ACACA: variants seen among roughly 807,000 people sequenced by gnomAD.
ACACA encodes acetyl-CoA carboxylase alpha, also known as acetyl-CoA carboxylase 1.
A neutral mutation model predicts 296.1 loss-of-function variants in ACACA; 103 were observed. The observed-to-expected ratio is 0.35, with a 90% CI of 0.30 to 0.41. The LOEUF is 0.41. ACACA is among the 10% of genes least tolerant of loss of function. The probability of loss-of-function intolerance (pLI) is 1.00; values close to 1 mark genes in which losing one functional copy is unlikely to be tolerated. For synonymous variants in ACACA, 953 were observed against 1,038.6 expected, an observed-to-expected ratio of 0.92 and a Z score of 1.58; for missense variants, 1,554 against 2,989.7, an observed-to-expected ratio of 0.52 and a Z score of 11.20.
chr17:37,220,751 T>A (rs1445246298), intron 29 of ACACA, among the ~76,000 whole-genome samples: 1 of 152,186 alleles, frequency 6.6e-6, no homozygotes, highest in East Asian at 1.9e-4. Context: ...AACAGTGGCA[T>A]CCAGTGGCCA....
chr17:37,357,928 A>C (rs1473015762), intron 1 of ACACA, among the ~76,000 whole-genome samples: 1 of 152,164 alleles, frequency 6.6e-6, no homozygotes, highest in Non-Finnish European at 1.5e-5. Context: ...TATACTACCG[A>C]ATTGGGAGGG....
chr17:37,218,346 AT>A (rs1413840739), intron 29 of ACACA, among the ~76,000 whole-genome samples: 2 of 152,216 alleles, frequency 1.3e-5, no homozygotes, highest in African/African-American at 2.4e-5. Flanking sequence ...AAAAGAAAAA[AT>A]ATTAACAATT....
chr17:37,405,743 G>A (rs1050014665), intron 1 of ACACA, among the ~76,000 whole-genome samples: 1 of 151,820 alleles, frequency 6.6e-6, no homozygotes, highest in Non-Finnish European at 1.5e-5. Context: ...TAGTAGAGAC[G>A]GGATTTCACC....
chr17:37,269,762 G>GAAAAAAA lies in ACACA; in HGVS notation c.1119+988_1119+989insTTTTTTT, dbSNP rs1567915541. On this transcript the variant is annotated intron_variant, in intron 10 of 55. Transcript: ENST00000616317. ...GGAGTTTGCTGCTAAGTGTTTTAAG[G>GAAAAAAA]GAAAAAAAAAAAAAAGCGAAATAAA... Among the ~76,000 whole-genome samples, 183 of 80,568 alleles carry GAAAAAAA rather than the reference G, an allele frequency of 2.3e-3. 1 individual carries two copies. The highest frequency in any genetic ancestry group is 0.017 in the African/African-American group (178 of 10,520). 52.9% of individuals were successfully genotyped at this position (80,568 alleles called of 152,430 possible).
intron 42 of ACACA, among the ~76,000 whole-genome samples, chr17:37,156,412 C>T (rs1240446611): frequency 7.1e-6 from 1 of 139,926 alleles, no homozygotes; most frequent in Non-Finnish European, 1.5e-5. Context: ...TCTTTAGTGA[C>T]ATCTCTATTA....
chr17:37,130,171 G>T lies in ACACA; in HGVS notation c.5727C>A (p.Ile1909=), dbSNP rs1467637270. Residue 1909 remains isoleucine (I), a synonymous_variant, in exon 46 of 56, where the codon ATC becomes ATA. Transcript: ENST00000616317. The part of the protein sequence containing the change: ...VYTSNNQLGG[I]QIMHNNGVTH... ...TCACCCCATTGTTGTGCATAATCTG[G>T]ATGCCCCCCAGCTGGTTATTGGAGG... 12 of 1,614,044 alleles carry T rather than the reference G, an allele frequency of 7.4e-6. No homozygotes were observed. The highest frequency in any genetic ancestry group is 1.0e-5 in the Non-Finnish European group (12 of 1,180,032).
At chr17:37,362,455 A>G (rs1406296204) in intron 1 of ACACA, among the ~76,000 whole-genome samples, 1 of 152,230 alleles carries the variant, frequency 6.6e-6, no homozygotes, top group Non-Finnish European at 1.5e-5. Flanking sequence ...AAACTAGCAC[A>G]TTAAAACAGA....
rs2072217798 is a variant in ACACA at position 37,086,591 on chromosome 17, A to G, written c.*725T>C. 6.5e-6 allele frequency: 1 copy of G among 152,794 alleles called. No homozygotes were observed. The allele number at this position is 152,794 out of a possible 1,614,324, so 9.5% of individuals were successfully genotyped here. A position where few individuals can be genotyped will look rare whatever the true frequency, so the allele number is the denominator to read the frequency against. ...TGACGTGCAGGCGAGAGGCAGGCCA[A>G]CAACTACCTTTCCCTTTGTCCTCAG... On this transcript the variant is annotated 3_prime_UTR_variant, in exon 56 of 56. Transcript: ENST00000616317.
chr17:37,284,979 A>G lies in ACACA; in HGVS notation c.339-9T>C. 6.2e-7 allele frequency: 1 copy of G among 1,614,130 alleles called. No individual in the cohort carries two copies. The highest frequency in any genetic ancestry group is 8.5e-7 in the Non-Finnish European group (1 of 1,180,010). ...AGCCAGACATGCTGGACCTATAAAA[A>G]TACAGAAGCCATAAAAACACCACCT... On this transcript the variant is annotated splice_polypyrimidine_tract_variant and intron_variant, in intron 3 of 55. Coordinates refer to ENST00000616317, the MANE Select transcript of ACACA (RefSeq NM_198834.3).
chr17:37,263,178 A>G (rs992813930), intron 11 of ACACA, among the ~76,000 whole-genome samples: 5 of 152,238 alleles, frequency 3.3e-5, no homozygotes, highest in African/African-American at 1.2e-4. Context: ...GACTCCAGAA[A>G]AGACTATGTT....
intron 42 of ACACA, among the ~76,000 whole-genome samples, chr17:37,157,831 C>T (rs1018074813): frequency 3.9e-5 from 6 of 152,144 alleles, no homozygotes; most frequent in African/African-American, 1.2e-4. Context: ...GCATGAGCCA[C>T]CACACATGGC....
intron 10 of ACACA, among the ~76,000 whole-genome samples, chr17:37,265,437 G>A (rs910730116): frequency 6.6e-6 from 1 of 152,068 alleles, no homozygotes; most frequent in Non-Finnish European, 1.5e-5. Context: ...ATTTTCTCAT[G>A]AGTCATGTCC....
Position 37,097,229 on chromosome 17 carries a change from G to A in ACACA, c.6721-63C>T. 1.3e-6 allele frequency: 2 copies of A among 1,577,400 alleles called. No homozygotes were observed. Among genetic ancestry groups the A allele is most frequent in the Non-Finnish European group, 1.7e-6 (2 of 1,160,672 alleles). On this transcript the variant is annotated intron_variant, in intron 53 of 55. Transcript: ENST00000616317. The surrounding 1 kb of genome is among the most constrained non-coding windows in gnomAD (Gnocchi z 4.8). The stretch of plus-strand genomic sequence containing the variant: ...TTCCTGCTTAATGCTCAGTCTGGAG[G>A]GAAACCCACAGGCATAAAAACTGAT...
chr17:37,093,777 C>T (rs569014678), intron 54 of ACACA, among the ~76,000 whole-genome samples: 19 of 152,340 alleles, frequency 1.2e-4, no homozygotes, highest in Non-Finnish European at 1.9e-4. Context: ...GGATTACAGG[C>T]GTGAGCCACC....
chr17:37,143,322 T>C (rs1343325753), intron 45 of ACACA, among the ~76,000 whole-genome samples: 1 of 151,570 alleles, frequency 6.6e-6, no homozygotes, highest in African/African-American at 2.4e-5. Flanking sequence ...GGTATTCAGT[T>C]AACAGAACAA....
chr17:37,242,620 A>G (rs2080471805), intron 22 of ACACA, among the ~76,000 whole-genome samples: 1 of 152,138 alleles, frequency 6.6e-6, no homozygotes, highest in Non-Finnish European at 1.5e-5. Flanking sequence ...AGTCCCAGCT[A>G]CCTGGGAGAC....
At chr17:37,310,790 T>C (rs1273385020) in intron 3 of ACACA, among the ~76,000 whole-genome samples, 5 of 97,630 alleles carry the variant, frequency 5.1e-5, no homozygotes, top group East Asian at 7.4e-4. Context: ...CGAGACACCA[T>C]CTCAAAAAAA....
intron 1 of ACACA, among the ~76,000 whole-genome samples, chr17:37,384,562 T>TAA (rs539817178): frequency 2.2e-4 from 32 of 148,618 alleles, no homozygotes; most frequent in South Asian, 4.3e-4. Flanking sequence ...TCTTACAGAT[T>TAA]AAAAAAAAAA....
At chr17:37,118,273 G>A (rs118070514) in intron 50 of ACACA, among the ~76,000 whole-genome samples, 2 of 152,244 alleles carry the variant, frequency 1.3e-5, no homozygotes, top group Non-Finnish European at 2.9e-5. Flanking sequence ...GAAAGGAATG[G>A]GTACTTATTG....
Sources: allele counts gnomAD v4.1 joint callset (sites outside exome capture counted in the v4.1 genomes callset), GRCh38; gene constraint gnomAD v4.1.1; non-coding constraint Gnocchi (gnomAD v3.1); transcripts MANE v1.5; gene names NCBI Gene and HGNC (gene_info 2026-07-23, HGNC 2026-07-21).